Variants in RP1 observed in about 807,000 individuals in gnomAD.
RP1 encodes oxygen-regulated protein 1.
Under a neutral mutation model 14.8 loss-of-function variants are expected in RP1, and 16 were observed. That is an observed-to-expected ratio of 1.08 (90% CI 0.73 to 1.65). The LOEUF (loss-of-function observed/expected upper bound fraction) is 1.65, where lower values mean the gene tolerates loss of function less well. Among genes scored for constraint, RP1 ranks in the 40% most tolerant of loss-of-function variants. The pLI is 0.00. For synonymous variants in RP1, 876 were observed against 883.6 expected, an observed-to-expected ratio of 0.99 and a Z score of 0.15; for missense variants, 2,631 against 2,535.0, an observed-to-expected ratio of 1.04 and a Z score of -0.81.
At position 54,621,485 on chromosome 8, in the gene RP1, C is replaced by T. The variant is rs749262361; in HGVS notation, c.519C>T (p.Ser173=). 2 of 1,614,090 alleles carry T rather than the reference C, an allele frequency of 1.2e-6. No homozygotes were observed. Among genetic ancestry groups the T allele is most frequent in the Admixed American group, 1.7e-5 (1 of 60,026 alleles). Residue 173 remains serine (S), a synonymous_variant, in exon 2 of 4, where the codon AGC becomes AGT. Coordinates refer to ENST00000220676, the MANE Select transcript of RP1 (RefSeq NM_006269.2). ...AGACGAGGCGTGCGGTTCTTCTGAG[C>T]AGGAGGGTCACCCAGAGCTTCGAGG... The part of the protein sequence containing the change: ...DPKTRRAVLL[S]RRVTQSFEAF...
intron 25 of RP1, among the ~76,000 whole-genome samples, chr8:54,841,615 G>A (rs1165365729): frequency 6.6e-6 from 1 of 152,226 alleles, no homozygotes; most frequent in Non-Finnish European, 1.5e-5. Flanking sequence ...CCAGAGGCCA[G>A]CACTGCCAAA....
At chr8:54,770,557 T>C (rs1184559754), downstream of RP1, among the ~76,000 whole-genome samples, 3 of 150,034 alleles carry the variant, frequency 2.0e-5, no homozygotes, top group African/African-American at 7.3e-5. Flanking sequence ...ATCATGGTTT[T>C]AGGCAATTTG....
intron 1 of RP1, among the ~76,000 whole-genome samples, chr8:54,620,260 C>T (rs1301980064): frequency 6.6e-6 from 1 of 152,182 alleles, no homozygotes; most frequent in Non-Finnish European, 1.5e-5. Flanking sequence ...ATGATGGTGG[C>T]CCCATAAGAT....
At position 54,715,456 on chromosome 8, in the gene RP1, A is replaced by G. The variant is rs552369663; in HGVS notation, c.2212-4673A>G. 1.4e-4 allele frequency among the ~76,000 whole-genome samples: 22 copies of G among 152,350 alleles called. No individual in the cohort carries two copies. In the South Asian group the frequency reaches 4.3e-3, roughly 30 times the overall value. ...TGAAATGTAGTTATATTCAATTTTT[A>G]TTATTTTCACTAATTATACTTAGTG... On this transcript the variant is annotated intron_variant, in intron 15 of 22. Coordinates refer to the RP1 transcript ENST00000636932.
At chr8:54,830,345 A>T (rs1165698696) in intron 24 of RP1, among the ~76,000 whole-genome samples, 1 of 151,388 alleles carries the variant, frequency 6.6e-6, no homozygotes, top group African/African-American at 2.4e-5. Flanking sequence ...GGTTTGTTAC[A>T]TATGTGTACA....
intron 3 of RP1, among the ~76,000 whole-genome samples, chr8:54,636,801 G>T (rs376601993): frequency 6.6e-6 from 1 of 152,124 alleles, no homozygotes; most frequent in Non-Finnish European, 1.5e-5. Context: ...CATGGATGTG[G>T]TATAGAGAAT....
At position 54,625,380 on chromosome 8, in the gene RP1, A is replaced by T. The variant is rs1189304201; in HGVS notation, c.1498A>T (p.Met500Leu). The change falls in exon 4 of 4, where the codon ATG (methionine) becomes TTG (leucine). Residue 500 changes from methionine (M) to leucine (L), a missense_variant. Coordinates refer to ENST00000220676, the MANE Select transcript of RP1 (RefSeq NM_006269.2). The part of the protein sequence containing the change: ...ESGENKSEYH[M>L]FTHSCSKMSS... ...TGGGGAAAACAAGTCTGAGTATCAC[A>T]TGTTTACACATTCTTGCAGTAAAAT... 2 of 1,613,932 alleles carry T rather than the reference A, an allele frequency of 1.2e-6. No individual in the cohort carries two copies. Among genetic ancestry groups the T allele is most frequent in the South Asian group, 1.1e-5 (1 of 91,080 alleles).
At chr8:54,766,141 C>A (rs761352687) in intron 22 of RP1, among the ~76,000 whole-genome samples, 2 of 151,918 alleles carry the variant, frequency 1.3e-5, no homozygotes, top group East Asian at 1.9e-4. Context: ...TGTCTCATTA[C>A]GAATAATTTA....
At position 54,869,895 on chromosome 8, in the gene RP1, GA is replaced by G. The variant is rs144826825; in HGVS notation, c.4207del (p.Ser1403ValfsTer6). 1.1e-5 allele frequency: 14 copies of G among 1,232,050 alleles called. No individual in the cohort carries two copies. Among genetic ancestry groups the G allele is most frequent in the East Asian group, 6.3e-5 (2 of 31,698 alleles). The allele number at this position is 1,232,050 out of a possible 1,614,324, so 76.3% of individuals were successfully genotyped here. ...CAAGACCCAGCGGGAATTGCTCGCA[GA>G]AAGTAGTCCCAGTGCAGTAGGAGAG... On this transcript the variant is annotated frameshift_variant, in exon 29 of 29. Transcript: ENST00000637698. LOFTEE classifies it low-confidence loss of function (END_TRUNC).
chr8:54,670,706 T>TA (rs1554522910), intron 7 of RP1, among the ~76,000 whole-genome samples: 1 of 109,834 alleles, frequency 9.1e-6, no homozygotes, highest in East Asian at 2.7e-4. Flanking sequence ...TATATATATA[T>TA]AAAACATTAA....
At chr8:54,767,680 A>G (rs1489948130) in intron 22 of RP1, among the ~76,000 whole-genome samples, 2 of 152,178 alleles carry the variant, frequency 1.3e-5, no homozygotes, top group Non-Finnish European at 2.9e-5. Flanking sequence ...ATTTTTAAAC[A>G]TGAAGCTGAC....
chr8:54,580,218 T>A (rs1319217784), intron 1 of RP1, among the ~76,000 whole-genome samples: 1 of 149,510 alleles, frequency 6.7e-6, no homozygotes, highest in Non-Finnish European at 1.5e-5. Context: ...TGGCATGTAA[T>A]AGCCACTTAA....
intron 24 of RP1, among the ~76,000 whole-genome samples, chr8:54,813,223 C>T (rs1222930657): frequency 6.6e-6 from 1 of 152,188 alleles, no homozygotes; most frequent in Non-Finnish European, 1.5e-5. Context: ...ATACTTTTCA[C>T]TCTCCTTTAT....
Position 54,715,388 on chromosome 8 carries a change from AAGC to A in RP1, c.2212-4738_2212-4736del, listed in dbSNP as rs139953778. On this transcript the variant is annotated intron_variant, in intron 15 of 22. Coordinates refer to the RP1 transcript ENST00000636932. ...GGATGAAGCAGAGATTTTTAAATGA[AAGC>A]AGGAAAGAGGAAATAAAGGAAACTA... Among the ~76,000 whole-genome samples, 1,103 of 152,352 alleles carry A rather than the reference AAGC, an allele frequency of 7.2e-3. 19 individuals carry two copies. Among genetic ancestry groups the A allele is most frequent in the African/African-American group, 0.025 (1,045 of 41,578 alleles).
intron 3 of RP1, among the ~76,000 whole-genome samples, chr8:54,645,651 A>G (rs939379061): frequency 6.6e-6 from 1 of 152,094 alleles, no homozygotes; most frequent in Non-Finnish European, 1.5e-5. Context: ...ATTGCTCTGC[A>G]GTTTTCTTAT....
chr8:54,859,535 AC>A (rs954702220), intron 27 of RP1, among the ~76,000 whole-genome samples: 3 of 149,984 alleles, frequency 2.0e-5, no homozygotes, highest in African/African-American at 7.4e-5. Flanking sequence ...GGGCATTGTC[AC>A]TGTAGAGCAG....
At chr8:54,670,555 A>G (rs1004155737) in intron 7 of RP1, among the ~76,000 whole-genome samples, 2 of 139,744 alleles carry the variant, frequency 1.4e-5, no homozygotes, top group Non-Finnish European at 3.1e-5. Context: ...ATGTATATGT[A>G]TATATATACA....
At chr8:54,839,228 G>T (rs980194221) in intron 25 of RP1, among the ~76,000 whole-genome samples, 5 of 152,060 alleles carry the variant, frequency 3.3e-5, no homozygotes, top group Admixed American at 6.5e-5. Flanking sequence ...AACTTCTATT[G>T]TTAATTCTAC....
intron 24 of RP1, among the ~76,000 whole-genome samples, chr8:54,835,386 C>T (rs1042765880): frequency 6.6e-6 from 1 of 152,098 alleles, no homozygotes; most frequent in Non-Finnish European, 1.5e-5. Flanking sequence ...AATTTAGTTG[C>T]TATGCCATGA....
Sources: allele counts gnomAD v4.1 joint callset (sites outside exome capture counted in the v4.1 genomes callset), GRCh38; gene constraint gnomAD v4.1.1; transcripts MANE v1.5; gene names NCBI Gene and HGNC (gene_info 2026-07-23, HGNC 2026-07-21).